DSCAML1: variants seen among roughly 807,000 people sequenced by gnomAD.
DSCAML1 encodes DS cell adhesion molecule like 1.
In DSCAML1, 38 loss-of-function variants were observed where a neutral mutation model predicts 200.5. The ratio of observed to expected loss-of-function variants is 0.19; its 90% CI spans 0.15 to 0.25. The LOEUF is 0.25. Ranked by LOEUF, DSCAML1 falls within the 10% of genes least tolerant of loss-of-function variation. The pLI, the probability that DSCAML1 is intolerant of heterozygous loss-of-function variation, is 1.00. For synonymous variants in DSCAML1, 1,215 were observed against 1,165.0 expected (o/e 1.04, Z -0.87); for missense variants, 2,223 against 2,858.8 (o/e 0.78, Z 5.07).
At chr11:117,497,286 G>C (rs1305934067) in intron 11 of DSCAML1, among the ~76,000 whole-genome samples, 1 of 152,194 alleles carries the variant, frequency 6.6e-6, no homozygotes, top group Non-Finnish European at 1.5e-5. Flanking sequence ...ACAAGGATCA[G>C]AACCTTTCTG....
intron 21 of DSCAML1, among the ~76,000 whole-genome samples, chr11:117,442,351 T>TGTGTGTATGCATATATAA: frequency 6.6e-6 from 1 of 151,822 alleles, no homozygotes; most frequent in East Asian, 1.9e-4. Flanking sequence ...TGTGTGTGCA[T>TGTGTGTATGCATATATAA]GTGTGTATGC....
chr11:117,811,681 C>G (rs1260580175), intron 1 of DSCAML1, among the ~76,000 whole-genome samples: 2 of 152,220 alleles, frequency 1.3e-5, no homozygotes, highest in African/African-American at 4.8e-5. Flanking sequence ...CAGCCACTCC[C>G]AGAGCCCCTG....
intron 3 of DSCAML1, among the ~76,000 whole-genome samples, chr11:117,741,359 T>G (rs1008664022): frequency 6.6e-6 from 1 of 152,234 alleles, no homozygotes; most frequent in Non-Finnish European, 1.5e-5. Context: ...ATGGTGATGA[T>G]AAGTGCAATC....
intron 13 of DSCAML1, 47 bp downstream of exon 13, chr11:117,481,126 CT>C (rs1356464796): frequency 6.3e-7 from 1 of 1,579,572 alleles, no homozygotes; most frequent in Middle Eastern, 1.7e-4. Context: ...CGGTGGGCCC[CT>C]GGGCCCTGGG....
chr11:117,597,291 C>T (rs972253385), intron 3 of DSCAML1, among the ~76,000 whole-genome samples: 5 of 152,258 alleles, frequency 3.3e-5, no homozygotes, highest in East Asian at 3.9e-4. Flanking sequence ...CCGGGGACAG[C>T]GCCAGAACGG....
intron 20 of DSCAML1, among the ~76,000 whole-genome samples, chr11:117,445,193 A>G (rs2048152164): frequency 6.6e-6 from 1 of 152,200 alleles, no homozygotes. Context: ...ACAGGAGGAG[A>G]CATCCTTTTT....
At chr11:117,593,779 T>G (rs920102645) in intron 3 of DSCAML1, among the ~76,000 whole-genome samples, 12 of 150,962 alleles carry the variant, frequency 7.9e-5, no homozygotes, top group Non-Finnish European at 1.6e-4. Flanking sequence ...TGGCGTGATC[T>G]CGGCTCACTG....
intron 1 of DSCAML1, among the ~76,000 whole-genome samples, chr11:117,785,169 G>T (rs1236210605): frequency 6.6e-6 from 1 of 152,208 alleles, no homozygotes; most frequent in Non-Finnish European, 1.5e-5. Flanking sequence ...TCAAAGACAA[G>T]GAGAATGGCT....
intron 21 of DSCAML1, among the ~76,000 whole-genome samples, chr11:117,443,024 T>G (rs1452289296): frequency 1.3e-5 from 2 of 152,112 alleles, no homozygotes; most frequent in Non-Finnish European, 2.9e-5. Flanking sequence ...TTGGGGCTCT[T>G]GTGTTTGGGC....
chr11:117,699,111 C>G (rs1397016305), intron 3 of DSCAML1, among the ~76,000 whole-genome samples: 12 of 152,176 alleles, frequency 7.9e-5, no homozygotes, highest in African/African-American at 2.9e-4. Context: ...ACAGGACAGG[C>G]AGGTCCTGAT....
At chr11:117,689,981 GAC>G (rs893125893) in intron 3 of DSCAML1, among the ~76,000 whole-genome samples, 4 of 152,138 alleles carry the variant, frequency 2.6e-5, no homozygotes, top group African/African-American at 9.7e-5. Flanking sequence ...AGGGAAAAGA[GAC>G]AGGCTTCTAG....
intron 3 of DSCAML1, among the ~76,000 whole-genome samples, chr11:117,605,599 G>A (rs2051549552): frequency 6.6e-6 from 1 of 152,248 alleles, no homozygotes; most frequent in Non-Finnish European, 1.5e-5. Context: ...ATTTAGGTCA[G>A]GAGAGCCTGT....
At chr11:117,581,285 G>A (rs1278473284) in intron 3 of DSCAML1, among the ~76,000 whole-genome samples, 1 of 152,314 alleles carries the variant, frequency 6.6e-6, no homozygotes, top group Non-Finnish European at 1.5e-5. Flanking sequence ...TTACATGAAT[G>A]TATTATGTCT....
chr11:117,810,068 CACTT>C lies in DSCAML1; in HGVS notation c.-250+7318_-250+7321del, dbSNP rs371104471. Among the ~76,000 whole-genome samples, 651 of 149,866 alleles carry C rather than the reference CACTT, an allele frequency of 4.3e-3. 13 individuals carry two copies. The South Asian group carries it at 0.059, about 14-fold the overall frequency. ...TCACACTCACACACATTCACACACT[CACTT>C]ACACATTCGCACACACATACACACA... On this transcript the variant is annotated intron_variant, in intron 1 of 2. Transcript: ENST00000525836.
chr11:117,642,512 G>A lies in DSCAML1; in HGVS notation c.512-109990C>T, dbSNP rs1565845770. 6.6e-6 allele frequency among the ~76,000 whole-genome samples: 1 copy of A among 152,224 alleles called. No homozygotes were observed. The highest frequency in any genetic ancestry group is 1.5e-5 in the Non-Finnish European group (1 of 68,048). ...GACACTAGACCAGCAAAGCCACAAA[G>A]GTGGCTGCTGGGAGAGCAGGGGCAC... On this transcript the variant is annotated intron_variant, in intron 3 of 32. Coordinates refer to ENST00000651296, the MANE Select transcript of DSCAML1 (RefSeq NM_020693.4). This position sits in a 1 kb window ranked among gnomAD's most constrained non-coding sequence, Gnocchi z 4.1.
intron 3 of DSCAML1, among the ~76,000 whole-genome samples, chr11:117,720,798 T>C (rs1186253112): frequency 6.6e-6 from 1 of 152,222 alleles, no homozygotes; most frequent in Non-Finnish European, 1.5e-5. Flanking sequence ...TCCTGCAAAG[T>C]GCTTAGCACA....
intron 3 of DSCAML1, among the ~76,000 whole-genome samples, chr11:117,634,226 C>T (rs1034353750): frequency 6.6e-6 from 1 of 152,102 alleles, no homozygotes; most frequent in Non-Finnish European, 1.5e-5. Context: ...TGGACGGGAG[C>T]TGTGCTTCTT....
intron 3 of DSCAML1, among the ~76,000 whole-genome samples, chr11:117,597,246 T>C (rs1237264500): frequency 6.6e-6 from 1 of 152,230 alleles, no homozygotes; most frequent in Non-Finnish European, 1.5e-5. Flanking sequence ...AGAGCCACTT[T>C]AATCACTAAG....
At chr11:117,579,245 C>G (rs976292742) in intron 3 of DSCAML1, among the ~76,000 whole-genome samples, 2 of 152,182 alleles carry the variant, frequency 1.3e-5, no homozygotes, top group African/African-American at 4.8e-5. Context: ...AGCATGTCAT[C>G]CCCTCCAGAG....
Sources: allele counts gnomAD v4.1 joint callset (sites outside exome capture counted in the v4.1 genomes callset), GRCh38; gene constraint gnomAD v4.1.1; non-coding constraint Gnocchi (gnomAD v3.1); transcripts MANE v1.5; gene names NCBI Gene and HGNC (gene_info 2026-07-23, HGNC 2026-07-21).